The following SPATA13 variants were observed in gnomAD, a reference collection of about 807,000 sequenced individuals.
SPATA13 encodes spermatogenesis-associated protein 13.
Under a neutral mutation model 104.0 loss-of-function variants are expected in SPATA13, and 50 were observed. The observed-to-expected ratio is 0.48, with a 90% CI of 0.38 to 0.61. The LOEUF (loss-of-function observed/expected upper bound fraction) is 0.61. Ranked by LOEUF, SPATA13 falls within the 20% of genes least tolerant of loss-of-function variation. The pLI, the probability that SPATA13 is intolerant of heterozygous loss-of-function variation, is 0.00. For missense variants in SPATA13, 1,524 were observed against 1,690.6 expected, an observed-to-expected ratio of 0.90 and a Z score of 1.73; for synonymous variants, 606 against 667.5, an observed-to-expected ratio of 0.91 and a Z score of 1.42.
chr13:24,074,364 C>G (rs1326373794), intron 3 of SPATA13, among the ~76,000 whole-genome samples: 2 of 152,186 alleles, frequency 1.3e-5, no homozygotes, highest in African/African-American at 4.8e-5. Context: ...GAATAATATT[C>G]TGTTGTATGA....
chr13:24,151,249 T>G (rs2138470902), intron 3 of SPATA13, among the ~76,000 whole-genome samples: 1 of 152,324 alleles, frequency 6.6e-6, no homozygotes, highest in African/African-American at 2.4e-5. Context: ...TCAGGTTACA[T>G]CAGGACTTTG....
intron 3 of SPATA13, among the ~76,000 whole-genome samples, chr13:24,113,044 C>T (rs915348843): frequency 5.3e-5 from 8 of 152,182 alleles, no homozygotes; most frequent in Non-Finnish European, 7.4e-5. Context: ...CATAGCCTCC[C>T]CCAGAAACTA....
At chr13:24,172,686 G>C (rs1883026653) in intron 1 of SPATA13, among the ~76,000 whole-genome samples, 1 of 151,566 alleles carries the variant, frequency 6.6e-6, no homozygotes, top group African/African-American at 2.4e-5. Context: ...TCTGCTTCTG[G>C]CTTATTTACT....
chr13:24,160,774 C>T lies in SPATA13; in HGVS notation c.-270C>T, dbSNP rs949469807. 4 of 985,428 alleles carry T rather than the reference C, an allele frequency of 4.1e-6. No homozygotes were observed. The South Asian group carries it at 1.4e-4, about 35-fold the overall frequency. 61.0% of individuals were successfully genotyped at this position (985,428 alleles called of 1,614,324 possible). On this transcript the variant is annotated 5_prime_UTR_variant, in exon 1 of 13. Coordinates refer to ENST00000382108, the MANE Select transcript of SPATA13 (RefSeq NM_001166271.3). ...TGTGCGTTGCGCTTTCTCCCGCGAT[C>T]GCCCTGCCGGTCGCTAGCTCCGAGG...
intron 3 of SPATA13, chr13:24,123,092 A>G (rs143766689): frequency 1.1e-5 from 11 of 983,648 alleles, no homozygotes; most frequent in Middle Eastern, 3.0e-4. Context: ...ATTCTTCACT[A>G]TATTCACAGA....
chr13:24,031,874 A>G (rs1593288964), intron 3 of SPATA13, among the ~76,000 whole-genome samples: 1 of 152,200 alleles, frequency 6.6e-6, no homozygotes, highest in Admixed American at 6.5e-5. Context: ...TTTACAAGCT[A>G]TCACATTAGG....
rs1873350262 is a variant in SPATA13, at chr13:24,249,467, C to T, written c.1654-10C>T. 2 of 1,535,924 alleles carry T rather than the reference C, an allele frequency of 1.3e-6. No homozygotes were observed. The highest frequency in any genetic ancestry group is 2.1e-5 in the Admixed American group (1 of 48,620). ...ATATTGAGCTCACCTGACCTGTTCGCATTTGAAAGGTCGTCCCTGATGGCC... is the reference window on the plus strand; with the variant it reads ...ATATTGAGCTCACCTGACCTGTTCGTATTTGAAAGGTCGTCCCTGATGGCC... On this transcript the variant is annotated splice_polypyrimidine_tract_variant and intron_variant, in intron 2 of 12. Coordinates refer to ENST00000382108, the MANE Select transcript of SPATA13 (RefSeq NM_001166271.3).
chr13:24,188,040 A>T (rs1282317048), intron 1 of SPATA13, among the ~76,000 whole-genome samples: 1 of 152,124 alleles, frequency 6.6e-6, no homozygotes, highest in Non-Finnish European at 1.5e-5. Flanking sequence ...TCTTGAAGGA[A>T]ATTAAAAGTG....
intron 1 of SPATA13, among the ~76,000 whole-genome samples, chr13:24,168,017 A>C (rs1319810472): frequency 6.6e-6 from 1 of 152,118 alleles, no homozygotes; most frequent in Non-Finnish European, 1.5e-5. Context: ...AGCCTTCTCT[A>C]TTTCTGCCTC....
In SPATA13 at chr13:24,145,492, T is replaced by C. The variant is rs1881900205; in HGVS notation, c.-111-77327T>C. On this transcript the variant is annotated intron_variant, in intron 3 of 14. Coordinates refer to the SPATA13 transcript ENST00000424834. ...AGTTCATGTGAGTCCACAGAGGACA[T>C]AAACCGAGTGAGCTGGTAACAGATG... is the stretch of plus-strand genomic sequence containing the variant. Among the ~76,000 whole-genome samples the C allele has an allele frequency of 1.3e-5, 2 of 152,172 alleles. 1 individual carries two copies. The highest frequency in any genetic ancestry group is 3.9e-4 in the East Asian group (2 of 5,194).
intron 3 of SPATA13, among the ~76,000 whole-genome samples, chr13:24,054,741 G>C (rs937173479): frequency 3.3e-5 from 5 of 152,154 alleles, no homozygotes; most frequent in Non-Finnish European, 7.3e-5. Flanking sequence ...TACCTCACAG[G>C]AGAAAAGGTT....
intron 1 of SPATA13, among the ~76,000 whole-genome samples, chr13:24,219,003 CAAA>C (rs35494448): frequency 2.7e-5 from 3 of 110,508 alleles, no homozygotes; most frequent in Non-Finnish European, 5.6e-5. Flanking sequence ...TCATTATCAC[CAAA>C]AAAAAAAAAA....
At chr13:24,210,876 T>G (rs1870976861) in intron 1 of SPATA13, among the ~76,000 whole-genome samples, 1 of 152,092 alleles carries the variant, frequency 6.6e-6, no homozygotes, top group African/African-American at 2.4e-5. Context: ...TTCATGTTTA[T>G]AGGATATCTT....
intron 3 of SPATA13, among the ~76,000 whole-genome samples, chr13:24,103,504 A>G (rs11617540): frequency 0.042 from 4,799 of 115,518 alleles, 385 homozygotes; most frequent in African/African-American, 0.12. Context: ...AAAAAAAAAC[A>G]AGAAAGAAAA....
At chr13:24,142,490 C>T (rs545147442) in intron 3 of SPATA13, among the ~76,000 whole-genome samples, 2 of 152,268 alleles carry the variant, frequency 1.3e-5, no homozygotes, top group South Asian at 2.1e-4. Flanking sequence ...GATGTTTTCT[C>T]CTGTTAGATT....
rs910176905 is a variant in SPATA13 at position 24,161,832 on chromosome 13, C to T, written c.-112+900C>T. On this transcript the variant is annotated intron_variant, in intron 1 of 12. Transcript: ENST00000382108. The surrounding 1 kb of genome is among the most constrained non-coding windows in gnomAD (Gnocchi z 4.5). ...TGGCTTCCCATAGCCTTATATTATGCACCTCCCCCTGCCAGCATTTTCTCT... is the reference window on the plus strand; with the variant it reads ...TGGCTTCCCATAGCCTTATATTATGTACCTCCCCCTGCCAGCATTTTCTCT... 3.3e-5 allele frequency among the ~76,000 whole-genome samples: 5 copies of T among 152,156 alleles called. No individual in the cohort carries two copies. The highest frequency in any genetic ancestry group is 7.3e-5 in the Non-Finnish European group (5 of 68,030).
chr13:24,047,964 C>T (rs1438597252), intron 3 of SPATA13, among the ~76,000 whole-genome samples: 1 of 152,192 alleles, frequency 6.6e-6, no homozygotes, highest in Non-Finnish European at 1.5e-5. Flanking sequence ...GAACCAGGTG[C>T]GTCAATGTCT....
In SPATA13 at chr13:24,153,545, A is replaced by C. The variant is rs559841598; in HGVS notation, c.-111-69274A>C. On this transcript the variant is annotated intron_variant, in intron 3 of 14. Transcript: ENST00000424834. ...TTCAGATGACAAAATCAGTGAAGGCAGCCAAGGCCACTTTCAACAGAGGAC... is the reference window on the plus strand; with the variant it reads ...TTCAGATGACAAAATCAGTGAAGGCCGCCAAGGCCACTTTCAACAGAGGAC... Among the ~76,000 whole-genome samples, 69 of 152,368 alleles carry C rather than the reference A, an allele frequency of 4.5e-4. No homozygotes were observed. The South Asian group carries it at 0.014, about 31-fold the overall frequency.
intron 3 of SPATA13, among the ~76,000 whole-genome samples, chr13:24,026,062 T>C (rs1460118747): frequency 6.6e-6 from 1 of 152,132 alleles, no homozygotes; most frequent in Non-Finnish European, 1.5e-5. Context: ...CTCGGCCTTC[T>C]AAATACCTTT....
Sources: gnomAD v4.1 joint callset for allele counts (sites outside exome capture counted in the v4.1 genomes callset) on GRCh38, gnomAD v4.1.1 for gene constraint, Gnocchi (gnomAD v3.1) non-coding constraint, MANE v1.5 for transcripts, NCBI Gene and HGNC (gene_info 2026-07-23, HGNC 2026-07-21) for gene names.